The following DOCK3 variants were observed in gnomAD, a reference collection of about 807,000 sequenced individuals.
DOCK3 encodes dedicator of cytokinesis protein 3.
A neutral mutation model predicts 265.6 loss-of-function variants in DOCK3; 60 were observed. The ratio of observed to expected loss-of-function variants is 0.23; its 90% CI spans 0.18 to 0.28. The LOEUF is 0.28. DOCK3 is among the 10% of genes least tolerant of loss of function. The pLI, the probability that DOCK3 is intolerant of heterozygous loss-of-function variation, is 1.00. For missense variants in DOCK3, 1,981 were observed against 2,594.3 expected (o/e 0.76, Z 5.14); for synonymous variants, 881 against 938.0 (o/e 0.94, Z 1.11).
intron 5 of DOCK3, among the ~76,000 whole-genome samples, chr3:50,946,211 G>A (rs906684074): frequency 6.7e-6 from 1 of 149,878 alleles, no homozygotes; most frequent in Non-Finnish European, 1.5e-5. Flanking sequence ...ATTTACTGTT[G>A]TAGGAGTCTG....
At chr3:51,177,861 C>T (rs1241234180) in intron 12 of DOCK3, among the ~76,000 whole-genome samples, 1 of 151,920 alleles carries the variant, frequency 6.6e-6, no homozygotes, top group South Asian at 2.1e-4. Context: ...CATAGTGGCG[C>T]ATGCCTGTAG....
At chr3:50,883,520 A>T (rs192612777) in intron 3 of DOCK3, among the ~76,000 whole-genome samples, 1 of 151,672 alleles carries the variant, frequency 6.6e-6, no homozygotes, top group South Asian at 2.1e-4. Flanking sequence ...ACTTTTTTTT[A>T]GGGTATTTCT....
At chr3:51,356,846 G>A (rs2086398196) in intron 43 of DOCK3, 116 bp from the exon 44 acceptor site, 1 of 1,281,916 alleles carries the variant, frequency 7.8e-7, no homozygotes, top group Non-Finnish European at 1.1e-6. Context: ...GGAGTCTCAA[G>A]TTCACAGGAA....
At chr3:50,921,421 A>G (rs960498590) in intron 4 of DOCK3, among the ~76,000 whole-genome samples, 3 of 152,086 alleles carry the variant, frequency 2.0e-5, no homozygotes, top group African/African-American at 7.2e-5. Context: ...GGTCTTCTCT[A>G]TGCTGTTTAT....
intron 12 of DOCK3, among the ~76,000 whole-genome samples, chr3:51,163,639 G>T (rs1214370301): frequency 6.6e-6 from 1 of 151,884 alleles, no homozygotes; most frequent in Non-Finnish European, 1.5e-5. Context: ...GAGGGGGTGG[G>T]TGTCCATAAA....
chr3:51,291,257 A>C (rs1282404449), intron 27 of DOCK3, among the ~76,000 whole-genome samples: 1 of 152,186 alleles, frequency 6.6e-6, no homozygotes, highest in African/African-American at 2.4e-5. Flanking sequence ...AAATAAGAAA[A>C]AACTAACCCC....
rs1413025045 is a variant in DOCK3, at chr3:51,237,539, C to T, written c.2051C>T (p.Pro684Leu). 6.2e-7 allele frequency: 1 copy of T among 1,613,174 alleles called. No individual in the cohort carries two copies. The highest frequency in any genetic ancestry group is 2.2e-5 in the East Asian group (1 of 44,874). The change falls in exon 21 of 53, where the codon CCT (proline) becomes CTT (leucine). Residue 684 changes from proline to leucine, a missense_variant. Pro to Leu is a moderately conservative substitution (Grantham distance 98). This residue lies in a region of DOCK3 where 1,357 missense variants were observed against 1,866.8 expected (regional missense o/e 0.73). Transcript: ENST00000266037. ...GACATCAAGTATTTTCACTTTCGACCTGTGATGGACACGTATATCCAGAAG... is the reference window on the plus strand; with the variant it reads ...GACATCAAGTATTTTCACTTTCGACTTGTGATGGACACGTATATCCAGAAG... ...LRDIKYFHFR[P>L]VMDTYIQKHF...
At chr3:51,220,178 A>G (rs2090001673) in intron 14 of DOCK3, among the ~76,000 whole-genome samples, 2 of 152,074 alleles carry the variant, frequency 1.3e-5, no homozygotes, top group East Asian at 1.9e-4. Flanking sequence ...TAACATCTCT[A>G]CATTTCCATG....
chr3:51,135,463 G>A (rs756501925), intron 9 of DOCK3, among the ~76,000 whole-genome samples: 2 of 152,132 alleles, frequency 1.3e-5, no homozygotes, highest in African/African-American at 4.8e-5. Context: ...CCACAATAGG[G>A]TTTTTCAAAC....
chr3:51,375,116 A>G (rs1166035503), intron 50 of DOCK3, among the ~76,000 whole-genome samples: 2 of 152,186 alleles, frequency 1.3e-5, no homozygotes, highest in African/African-American at 4.8e-5. Flanking sequence ...AGCTGTAGGG[A>G]TTAACTCCCT....
intron 3 of DOCK3, among the ~76,000 whole-genome samples, chr3:50,889,694 T>C (rs1045663950): frequency 6.6e-6 from 1 of 152,074 alleles, no homozygotes; most frequent in African/African-American, 2.4e-5. Flanking sequence ...GTTTTGGAGA[T>C]ACATGACAAG....
rs1187733435 is a variant in DOCK3, at chr3:50,743,027, A to G, written c.38-35648A>G. On this transcript the variant is annotated intron_variant, in intron 1 of 52. Transcript: ENST00000266037. The stretch of plus-strand genomic sequence containing the variant: ...AACTCTACAAGCCAGAAGAGAGTGG[A>G]GGCCAATATTCAACATTCTTAAAGA... Among the ~76,000 whole-genome samples the G allele has an allele frequency of 1.4e-4, 22 of 152,240 alleles. 1 individual carries two copies. The highest frequency in any genetic ancestry group is 4.1e-4 in the African/African-American group (17 of 41,542).
intron 48 of DOCK3, 136 bp from the exon 49 acceptor site, chr3:51,362,391 G>A: frequency 8.4e-7 from 1 of 1,183,938 alleles, no homozygotes; most frequent in Non-Finnish European, 1.2e-6. Flanking sequence ...CCATTAGCCT[G>A]GCCTCCATCA....
At chr3:51,040,119 A>T (rs1205016011) in intron 5 of DOCK3, among the ~76,000 whole-genome samples, 1 of 151,912 alleles carries the variant, frequency 6.6e-6, no homozygotes, top group African/African-American at 2.4e-5. Flanking sequence ...ATCTGTTTGT[A>T]CTTCATTGAC....
At chr3:51,290,681 T>TAA (rs1198602171) in intron 27 of DOCK3, among the ~76,000 whole-genome samples, 1 of 152,072 alleles carries the variant, frequency 6.6e-6, no homozygotes, top group African/African-American at 2.4e-5. Flanking sequence ...ACTTAAAGTA[T>TAA]AATATATATA....
chr3:50,769,824 A>C (rs1342762746), intron 1 of DOCK3, among the ~76,000 whole-genome samples: 1 of 151,900 alleles, frequency 6.6e-6, no homozygotes. Flanking sequence ...AAAAAAAAAA[A>C]AAAAAAAAGT....
intron 1 of DOCK3, among the ~76,000 whole-genome samples, chr3:50,692,103 G>T (rs550969039): frequency 6.6e-6 from 1 of 151,968 alleles, no homozygotes; most frequent in Admixed American, 6.6e-5. Context: ...TTTTTTAGAG[G>T]TAATAGTCTT....
intron 13 of DOCK3, among the ~76,000 whole-genome samples, chr3:51,211,622 T>G (rs112517371): frequency 1.1e-4 from 17 of 151,900 alleles, no homozygotes; most frequent in Admixed American, 9.8e-4. Flanking sequence ...TTTGGTTTTT[T>G]TCCTTGCGAT....
chr3:50,714,944 C>T (rs2037006272), intron 1 of DOCK3, among the ~76,000 whole-genome samples: 1 of 152,158 alleles, frequency 6.6e-6, no homozygotes, highest in African/African-American at 2.4e-5. Context: ...CTTCCTTGAC[C>T]CCTAGACCAG....
Sources: allele counts gnomAD v4.1 joint callset (sites outside exome capture counted in the v4.1 genomes callset), GRCh38; gene constraint gnomAD v4.1.1; regional missense constraint gnomAD v4.1.1; transcripts MANE v1.5; gene names NCBI Gene and HGNC (gene_info 2026-07-23, HGNC 2026-07-21).